DPF3: variants seen among roughly 807,000 people sequenced by gnomAD.
DPF3 encodes the protein zinc finger protein DPF3.
Under a neutral mutation model 56.8 loss-of-function variants are expected in DPF3, and 18 were observed. The ratio of observed to expected loss-of-function variants is 0.32; its 90% CI spans 0.22 to 0.47. The LOEUF is 0.47. Ranked by LOEUF, DPF3 falls within the 20% of genes least tolerant of loss-of-function variation. DPF3 has a pLI of 1.00. For synonymous variants in DPF3, 188 were observed against 180.2 expected (o/e 1.04, Z -0.35); for missense variants, 403 against 488.8 (o/e 0.82, Z 1.65).
intron 1 of DPF3, chr14:72,879,954 T>C: frequency 2.7e-6 from 4 of 1,486,362 alleles, no homozygotes; most frequent in Non-Finnish European, 3.6e-6. Context: ...GGGCCTGTGA[T>C]TGCCAAAGAA....
chr14:72,806,430 T>C (rs1882786705), intron 1 of DPF3, among the ~76,000 whole-genome samples: 1 of 152,110 alleles, frequency 6.6e-6, no homozygotes, highest in Admixed American at 6.6e-5. Context: ...TAAGACCCAG[T>C]CCTTAGTCCT....
At chr14:72,706,810 C>CT (rs367902383) in intron 6 of DPF3, among the ~76,000 whole-genome samples, 3,098 of 149,332 alleles carry the variant, frequency 0.021, 99 homozygotes, top group African/African-American at 0.071. Context: ...TGGAACAGTG[C>CT]TTTTTTTTTT....
Position 72,612,429 on chromosome 14 carries a change from CCT to C in DPF3, c.*6866_*6867del, listed in dbSNP as rs1491340897. The C allele has an allele frequency of 3.9e-6, 2 of 516,268 alleles. No homozygotes were observed. Among genetic ancestry groups the C allele is most frequent in the Admixed American group, 3.9e-5 (2 of 51,264 alleles). The allele number at this position is 516,268 out of a possible 1,614,324, so 32.0% of individuals were successfully genotyped here. ...CTCACATATCAGGCAGTGTTTCTGT[CCT>C]TTTTTTTTTTCTAGTACCTAATTTA... On this transcript the variant is annotated 3_prime_UTR_variant, in exon 11 of 11. Transcript: ENST00000556509.
chr14:72,808,302 A>T (rs943466690), intron 1 of DPF3, among the ~76,000 whole-genome samples: 1 of 152,214 alleles, frequency 6.6e-6, no homozygotes, highest in African/African-American at 2.4e-5. Flanking sequence ...CCACTACAGC[A>T]TCCAAACATC....
Position 72,646,837 on chromosome 14 carries a change from C to T in DPF3, c.872-17101G>A, listed in dbSNP as rs572220791. Among the ~76,000 whole-genome samples the T allele has an allele frequency of 6.6e-5, 10 of 152,294 alleles. No homozygotes were observed. The South Asian group carries it at 1.0e-3, about 16-fold the overall frequency. On this transcript the variant is annotated intron_variant, in intron 8 of 10. Coordinates refer to ENST00000556509, the MANE Select transcript of DPF3 (RefSeq NM_001280542.3). ...AAACTTCAGAGTTCAGAAGAATTAC[C>T]GGGAGAGATGTTTTAAACATGCAGA...
chr14:72,681,057 G>T (rs1488499243), intron 7 of DPF3, among the ~76,000 whole-genome samples: 1 of 152,210 alleles, frequency 6.6e-6, no homozygotes, highest in African/African-American at 2.4e-5. Flanking sequence ...TAACACCTGA[G>T]GGCAGGAACC....
rs1396397373 is a variant in DPF3, at chr14:72,619,148, C to T, written c.*149G>A. 3 of 752,828 alleles carry T rather than the reference C, an allele frequency of 4.0e-6. No homozygotes were observed. The highest frequency in any genetic ancestry group is 2.7e-5 in the East Asian group (1 of 36,724). 46.6% of individuals were successfully genotyped at this position (752,828 alleles called of 1,614,324 possible). ...GGGAGGTCAGGAGATGCCTCACCCT[C>T]TTCGTTCCATGTGTCCCTGCCCCTC... On this transcript the variant is annotated 3_prime_UTR_variant, in exon 11 of 11. Coordinates refer to ENST00000556509, the MANE Select transcript of DPF3 (RefSeq NM_001280542.3).
chr14:72,776,745 T>A (rs1891756928), intron 1 of DPF3, among the ~76,000 whole-genome samples: 1 of 152,054 alleles, frequency 6.6e-6, no homozygotes, highest in Admixed American at 6.5e-5. Context: ...TCTCTCTGGT[T>A]CTGTGCTCTG....
chr14:72,714,810 G>T (rs549315751), intron 5 of DPF3, among the ~76,000 whole-genome samples: 1 of 151,310 alleles, frequency 6.6e-6, no homozygotes. Flanking sequence ...AGGTCGTTCG[G>T]CTACTCAGGG....
At chr14:72,661,664 C>G (rs1886217864) in intron 8 of DPF3, 1 of 985,320 alleles carries the variant, frequency 1.0e-6, no homozygotes, top group African/African-American at 1.7e-5. Flanking sequence ...CACCCGCCGT[C>G]TTCCTTGGCT....
chr14:72,853,524 C>T (rs1885066712), intron 1 of DPF3, among the ~76,000 whole-genome samples: 1 of 136,916 alleles, frequency 7.3e-6, no homozygotes, highest in Non-Finnish European at 1.5e-5. Context: ...AACCAGGCTG[C>T]AGTGCAGTGG....
chr14:72,636,296 G>A lies in DPF3; in HGVS notation c.872-6560C>T, dbSNP rs138370110. Reference sequence around the variant, plus strand: ...TTGCAAATGTATATATGAAGTTTTAGCTAAAGCATTTATGCAAAGTATAGT... The same window carrying A: ...TTGCAAATGTATATATGAAGTTTTAACTAAAGCATTTATGCAAAGTATAGT... On this transcript the variant is annotated intron_variant, in intron 8 of 10. Coordinates refer to ENST00000556509, the MANE Select transcript of DPF3 (RefSeq NM_001280542.3). Among the ~76,000 whole-genome samples the A allele has an allele frequency of 2.6e-5, 4 of 152,244 alleles. No homozygotes were observed. The East Asian group carries it at 5.8e-4, about 22-fold the overall frequency.
chr14:72,637,541 C>T lies in DPF3; in HGVS notation c.872-7805G>A, dbSNP rs1423287183. ...CTGGGGATATAGCAGTGAGAAAATC[C>T]AAACCCCTGCCCTCAATTTACAACT... On this transcript the variant is annotated intron_variant, in intron 8 of 10. Transcript: ENST00000556509. Among the ~76,000 whole-genome samples, 3 of 152,138 alleles carry T rather than the reference C, an allele frequency of 2.0e-5. No individual in the cohort carries two copies. The East Asian group carries it at 5.8e-4, about 29-fold the overall frequency.
At chr14:72,834,244 G>A (rs60759050) in intron 1 of DPF3, among the ~76,000 whole-genome samples, 3,812 of 151,654 alleles carry the variant, frequency 0.025, 160 homozygotes, top group African/African-American at 0.088. Flanking sequence ...CGCCTGTAAC[G>A]CCAACACTTT....
intron 8 of DPF3, chr14:72,661,517 G>A (rs906863210): frequency 5.1e-5 from 50 of 985,470 alleles, no homozygotes; most frequent in Non-Finnish European, 5.5e-5. Context: ...AGTGCAGTGG[G>A]GAGCCTGCGG....
At chr14:72,724,012 T>C (rs927715511) in intron 4 of DPF3, 2 of 295,416 alleles carry the variant, frequency 6.8e-6, no homozygotes, top group African/African-American at 4.4e-5. Flanking sequence ...CAAGAGACTA[T>C]GCTGGTAGGG....
At chr14:72,808,286 C>T (rs1882880711) in intron 1 of DPF3, among the ~76,000 whole-genome samples, 1 of 152,162 alleles carries the variant, frequency 6.6e-6, no homozygotes, top group African/African-American at 2.4e-5. Flanking sequence ...TTTTCACCAC[C>T]AGCTCCCACT....
rs936820536 is a variant in DPF3, at chr14:72,616,206, C to T, written c.*3091G>A. Among the ~76,000 whole-genome samples, 2 of 152,150 alleles carry T rather than the reference C, an allele frequency of 1.3e-5. No individual in the cohort carries two copies. Among genetic ancestry groups the T allele is most frequent in the Non-Finnish European group, 2.9e-5 (2 of 68,028 alleles). Reference sequence around the variant, plus strand: ...AGGCTCAGAGAGTTGAAGTCATTGGCCCAAGGTCAGTCAGCTAGAAAGTGG... The same window carrying T: ...AGGCTCAGAGAGTTGAAGTCATTGGTCCAAGGTCAGTCAGCTAGAAAGTGG... On this transcript the variant is annotated 3_prime_UTR_variant, in exon 11 of 11. Coordinates refer to ENST00000556509, the MANE Select transcript of DPF3 (RefSeq NM_001280542.3).
chr14:72,799,637 A>ATG (rs1255112053), intron 1 of DPF3, among the ~76,000 whole-genome samples: 5 of 143,294 alleles, frequency 3.5e-5, no homozygotes, highest in African/African-American at 5.2e-5. Context: ...AAGATCATAT[A>ATG]TGTATATATA....
Sources: gnomAD v4.1 joint callset for allele counts (sites outside exome capture counted in the v4.1 genomes callset) on GRCh38, gnomAD v4.1.1 for gene constraint, MANE v1.5 for transcripts, NCBI Gene and HGNC (gene_info 2026-07-23, HGNC 2026-07-21) for gene names.